LGR5: variants seen among roughly 807,000 people sequenced by gnomAD.
The protein encoded by LGR5 is leucine-rich repeat-containing G protein-coupled receptor 5.
A neutral mutation model predicts 76.7 loss-of-function variants in LGR5; 54 were observed. That is an observed-to-expected ratio of 0.70 (90% CI 0.57 to 0.88). The LOEUF is 0.88. Ranked by LOEUF, LGR5 falls within the 40% of genes least tolerant of loss-of-function variation. LGR5 has a pLI of 0.00. For missense variants in LGR5, 1,078 were observed against 1,073.3 expected, an observed-to-expected ratio of 1.00 and a Z score of -0.06; for synonymous variants, 406 against 421.9, an observed-to-expected ratio of 0.96 and a Z score of 0.46.
chr12:71,504,527 A>G (rs1233380130), intron 1 of LGR5, 87 bp from the exon 2 acceptor site: 3 of 983,920 alleles, frequency 3.0e-6, no homozygotes, highest in Non-Finnish European at 5.0e-6. Context: ...ATTTTACTGT[A>G]TTGTTTGGAA....
At chr12:71,465,596 A>G (rs1872832895) in intron 1 of LGR5, among the ~76,000 whole-genome samples, 1 of 152,174 alleles carries the variant, frequency 6.6e-6, no homozygotes, top group African/African-American at 2.4e-5. Context: ...GAATACTACC[A>G]TGCTAGCTCA....
At chr12:71,484,513 C>T (rs996544662) in intron 1 of LGR5, among the ~76,000 whole-genome samples, 1 of 152,158 alleles carries the variant, frequency 6.6e-6, no homozygotes, top group South Asian at 2.1e-4. Flanking sequence ...ACACCAAGAG[C>T]GCTTAAATAA....
At chr12:71,490,602 C>A (rs1874024905) in intron 1 of LGR5, among the ~76,000 whole-genome samples, 1 of 152,070 alleles carries the variant, frequency 6.6e-6, no homozygotes, top group South Asian at 2.1e-4. Context: ...CATTTCCTAA[C>A]ACTAGGTCAG....
intron 11 of LGR5, among the ~76,000 whole-genome samples, chr12:71,570,620 TC>T (rs1878565956): frequency 6.6e-6 from 1 of 152,154 alleles, no homozygotes; most frequent in East Asian, 1.9e-4. Flanking sequence ...TTTCAAACCT[TC>T]AGAAAGTTAC....
rs145586645 is a variant in LGR5, at chr12:71,564,944, C to T, written c.858-1460C>T. On this transcript the variant is annotated intron_variant, in intron 8 of 17. Transcript: ENST00000266674. ...ATACATATATGTGTATATATACATA[C>T]GTATGTGTATATATACGTATGTGTG... 3.2e-3 allele frequency among the ~76,000 whole-genome samples: 488 copies of T among 150,276 alleles called. 3 individuals are homozygous for T. Among genetic ancestry groups the T allele is most frequent in the East Asian group, 0.018 (92 of 5,106 alleles).
intron 1 of LGR5, among the ~76,000 whole-genome samples, chr12:71,494,385 T>C (rs1874221075): frequency 6.6e-6 from 1 of 150,954 alleles, no homozygotes; most frequent in African/African-American, 2.5e-5. Context: ...TGCGCCTGGC[T>C]TGAGTAAAGA....
At chr12:71,496,823 G>T (rs1874346138) in intron 1 of LGR5, among the ~76,000 whole-genome samples, 1 of 152,034 alleles carries the variant, frequency 6.6e-6, no homozygotes, top group Admixed American at 6.6e-5. Context: ...GAAGAAGCTA[G>T]ACACAAAAAT....
At position 71,451,798 on chromosome 12, in the gene LGR5, T is replaced by C. The variant is rs1872260931; in HGVS notation, c.212+11506T>C. Among the ~76,000 whole-genome samples the C allele has an allele frequency of 3.3e-5, 5 of 152,200 alleles. No homozygotes were observed. In the South Asian group the frequency reaches 1.0e-3, roughly 32 times the overall value. On this transcript the variant is annotated intron_variant, in intron 1 of 17. Transcript: ENST00000266674. ...CTTTGACATCTTGGAGCCTTGCTGC[T>C]CCTAGAGAGACTGCCCCTCCTAGGG...
At position 71,478,426 on chromosome 12, in the gene LGR5, C is replaced by T. The variant is rs78106059; in HGVS notation, c.213-26188C>T. Among the ~76,000 whole-genome samples, 530 of 152,304 alleles carry T rather than the reference C, an allele frequency of 3.5e-3. 3 individuals are homozygous for T. Among genetic ancestry groups the T allele is most frequent in the African/African-American group, 0.012 (509 of 41,574 alleles). On this transcript the variant is annotated intron_variant, in intron 1 of 17. Transcript: ENST00000266674. ...AAATTAATTCAGCATTTGGTCTTTT[C>T]ACTGGTATCTGAGTTTTGAAAATCT...
rs745939668 is a variant in LGR5, at chr12:71,583,832, G to T, written c.1822G>T (p.Val608Phe). The T allele has an allele frequency of 4.9e-5, 79 of 1,614,062 alleles. No individual in the cohort carries two copies. The highest frequency in any genetic ancestry group is 6.0e-5 in the Non-Finnish European group (71 of 1,180,032). Residue 608 changes from valine (V) to phenylalanine (F), a missense_variant, in exon 18 of 18, where the codon GTC (valine) becomes TTC (phenylalanine). Physicochemically the swap from Val to Phe is conservative, Grantham distance 50. Transcript: ENST00000266674. Reference protein sequence around the residue: ...VIAAVNMLTGVSSAVLAGVDA... With the variant: ...VIAAVNMLTGFSSAVLAGVDA... ...CGCAGCAGTGAACATGCTCACGGGA[G>T]TCTCCAGTGCCGTGCTGGCTGGTGT...
chr12:71,513,212 G>T (rs576464689), intron 2 of LGR5, among the ~76,000 whole-genome samples: 1 of 152,322 alleles, frequency 6.6e-6, no homozygotes, highest in Non-Finnish European at 1.5e-5. Context: ...AACATCTATG[G>T]TTGAGCAATG....
At chr12:71,549,226 G>T (rs1877353627) in intron 4 of LGR5, among the ~76,000 whole-genome samples, 2 of 152,130 alleles carry the variant, frequency 1.3e-5, no homozygotes, top group African/African-American at 4.8e-5. Context: ...TACCCTTGGG[G>T]TCTTCTGTTA....
intron 4 of LGR5, among the ~76,000 whole-genome samples, chr12:71,550,366 GTCTTGA>G: frequency 6.6e-6 from 1 of 151,538 alleles, no homozygotes; most frequent in East Asian, 1.9e-4. Flanking sequence ...GGCTGGGCTG[GTCTTGA>G]TCTCCTGACC....
chr12:71,458,180 T>C (rs1204345890), intron 1 of LGR5, among the ~76,000 whole-genome samples: 7 of 152,166 alleles, frequency 4.6e-5, no homozygotes, highest in Admixed American at 3.3e-4. Flanking sequence ...TTCAAACTGT[T>C]GTAGTAGATA....
intron 15 of LGR5, among the ~76,000 whole-genome samples, chr12:71,579,232 A>G (rs1161433360): frequency 1.3e-5 from 2 of 152,224 alleles, no homozygotes; most frequent in African/African-American, 2.4e-5. Flanking sequence ...TAATTAAATA[A>G]CATTATAACA....
chr12:71,575,227 AAAAC>A (rs947575788), intron 13 of LGR5, among the ~76,000 whole-genome samples: 6 of 152,228 alleles, frequency 3.9e-5, no homozygotes, highest in Non-Finnish European at 5.9e-5. Flanking sequence ...AAAACAAAAC[AAAAC>A]AAACAAACAA....
At chr12:71,524,860 C>T (rs1875910205) in intron 3 of LGR5, among the ~76,000 whole-genome samples, 2 of 152,130 alleles carry the variant, frequency 1.3e-5, no homozygotes, top group East Asian at 1.9e-4. Flanking sequence ...AGCTTCAAAC[C>T]GGTTTCAAAG....
intron 1 of LGR5, among the ~76,000 whole-genome samples, chr12:71,452,809 T>C (rs1422243130): frequency 6.6e-6 from 1 of 152,216 alleles, no homozygotes; most frequent in Non-Finnish European, 1.5e-5. Context: ...ATATGTAAGA[T>C]GGCAATAATA....
chr12:71,554,055 C>G (rs1249821362), intron 5 of LGR5, among the ~76,000 whole-genome samples: 1 of 152,090 alleles, frequency 6.6e-6, no homozygotes, highest in Non-Finnish European at 1.5e-5. Context: ...GCACTCCACC[C>G]TGGGGAAGAG....
Sources: allele counts gnomAD v4.1 joint callset (sites outside exome capture counted in the v4.1 genomes callset), GRCh38; gene constraint gnomAD v4.1.1; transcripts MANE v1.5; gene names NCBI Gene and HGNC (gene_info 2026-07-23, HGNC 2026-07-21).